Variants in GALNTL6 observed in about 807,000 individuals in gnomAD.
The protein encoded by GALNTL6 is polypeptide N-acetylgalactosaminyltransferase-like 6.
In GALNTL6, 46 loss-of-function variants were observed where a neutral mutation model predicts 73.7. That is an observed-to-expected ratio of 0.62 (90% CI 0.49 to 0.80). The LOEUF (loss-of-function observed/expected upper bound fraction) is 0.80, where lower values mean the gene tolerates loss of function less well. Among genes scored for constraint, GALNTL6 ranks in the 30% least tolerant of loss-of-function variants. GALNTL6 has a pLI of 0.00. For synonymous variants in GALNTL6, 259 were observed against 263.7 expected (o/e 0.98, Z 0.17); for missense variants, 604 against 755.0 (o/e 0.80, Z 2.34).
At chr4:171,904,569 T>C (rs983723898) in intron 2 of GALNTL6, among the ~76,000 whole-genome samples, 5 of 152,176 alleles carry the variant, frequency 3.3e-5, no homozygotes, top group Non-Finnish European at 7.3e-5. Flanking sequence ...GAAAACACTC[T>C]GCAGGATATT....
intron 5 of GALNTL6, among the ~76,000 whole-genome samples, chr4:172,543,094 G>A (rs1210735997): frequency 5.9e-5 from 1 of 17,076 alleles, no homozygotes; most frequent in Non-Finnish European, 2.9e-3. Flanking sequence ...AGACTCCATC[G>A]CAAAAGAAAA....
intron 3 of GALNTL6, among the ~76,000 whole-genome samples, chr4:172,287,121 A>C (rs373317218): frequency 1.2e-4 from 18 of 152,216 alleles, no homozygotes; most frequent in African/African-American, 4.1e-4. Context: ...CATCCATCCT[A>C]ACCCAGACCA....
intron 2 of GALNTL6, among the ~76,000 whole-genome samples, chr4:171,908,398 G>A: frequency 6.6e-6 from 1 of 152,084 alleles, no homozygotes; most frequent in Non-Finnish European, 1.5e-5. Context: ...ACGAAAAAAT[G>A]CTCACCATCA....
rs1202409794 is a variant in GALNTL6, at chr4:172,962,892, A to G, written c.1371+10634A>G. On this transcript the variant is annotated intron_variant, in intron 10 of 12. Transcript: ENST00000506823. ...GATTACTGCACTTGTCTCCTGGCTC[A>G]TCTCCCTGCTTCTGCCTGCCGCGCT... is the stretch of plus-strand genomic sequence containing the variant. Among the ~76,000 whole-genome samples the G allele has an allele frequency of 7.9e-5, 12 of 152,052 alleles. No individual in the cohort carries two copies. In the East Asian group the frequency reaches 2.3e-3, roughly 29 times the overall value.
intron 11 of GALNTL6, among the ~76,000 whole-genome samples, chr4:173,019,713 T>C (rs1752922877): frequency 6.6e-6 from 1 of 152,262 alleles, no homozygotes; most frequent in Non-Finnish European, 1.5e-5. Context: ...TTCTCTTTTA[T>C]CCTGTCTTCC....
intron 2 of GALNTL6, among the ~76,000 whole-genome samples, chr4:171,926,307 G>A (rs1282717333): frequency 6.6e-6 from 1 of 152,040 alleles, no homozygotes; most frequent in Non-Finnish European, 1.5e-5. Flanking sequence ...ATTTTTCACT[G>A]AACATATATG....
intron 5 of GALNTL6, among the ~76,000 whole-genome samples, chr4:172,623,318 A>C (rs551482530): frequency 6.6e-6 from 1 of 152,146 alleles, no homozygotes; most frequent in Non-Finnish European, 1.5e-5. Context: ...TTATAGAACT[A>C]TGTGCTCTTT....
intron 5 of GALNTL6, among the ~76,000 whole-genome samples, chr4:172,485,317 A>G (rs1014426449): frequency 1.1e-4 from 17 of 152,128 alleles, no homozygotes; most frequent in Admixed American, 3.9e-4. Flanking sequence ...AAACAGTTCA[A>G]TTTTGTGATT....
intron 5 of GALNTL6, among the ~76,000 whole-genome samples, chr4:172,531,185 A>G (rs1279854281): frequency 1.3e-5 from 2 of 152,198 alleles, no homozygotes; most frequent in Non-Finnish European, 2.9e-5. Flanking sequence ...GAAACTACTT[A>G]CTGCAGCTGT....
intron 5 of GALNTL6, among the ~76,000 whole-genome samples, chr4:172,577,990 A>G (rs1737024876): frequency 6.6e-6 from 1 of 152,172 alleles, no homozygotes; most frequent in African/African-American, 2.4e-5. Flanking sequence ...AATGATGACA[A>G]TCACCAGGCC....
intron 5 of GALNTL6, among the ~76,000 whole-genome samples, chr4:172,405,500 C>A: frequency 7.0e-6 from 1 of 142,848 alleles, no homozygotes; most frequent in Non-Finnish European, 1.5e-5. Flanking sequence ...GTCAATTAAG[C>A]TCCTGCTAGA....
At chr4:172,685,716 T>C (rs1579335704) in intron 5 of GALNTL6, among the ~76,000 whole-genome samples, 1 of 152,350 alleles carries the variant, frequency 6.6e-6, no homozygotes, top group Non-Finnish European at 1.5e-5. Flanking sequence ...TTTTTGAGTC[T>C]TCAATTGAAT....
At chr4:171,958,517 A>C (rs1739123640) in intron 2 of GALNTL6, among the ~76,000 whole-genome samples, 1 of 152,164 alleles carries the variant, frequency 6.6e-6, no homozygotes, top group African/African-American at 2.4e-5. Context: ...GAAGTTCACA[A>C]AATATTGAAA....
At chr4:172,180,788 G>C (rs991377758) in intron 2 of GALNTL6, among the ~76,000 whole-genome samples, 3 of 152,116 alleles carry the variant, frequency 2.0e-5, no homozygotes, top group East Asian at 1.9e-4. Flanking sequence ...TGAGGCCTCT[G>C]TTCTGTTCCA....
chr4:172,807,052 G>A (rs759603576), intron 5 of GALNTL6, among the ~76,000 whole-genome samples: 13 of 152,114 alleles, frequency 8.5e-5, no homozygotes, highest in Non-Finnish European at 1.9e-4. Flanking sequence ...ATTGTGCAGT[G>A]GTGTCATTTT....
At chr4:172,730,261 A>G (rs557711739) in intron 5 of GALNTL6, among the ~76,000 whole-genome samples, 16 of 152,086 alleles carry the variant, frequency 1.1e-4, no homozygotes, top group Non-Finnish European at 2.1e-4. Context: ...GACTTCCAGT[A>G]TTGTGTTGAA....
intron 5 of GALNTL6, among the ~76,000 whole-genome samples, chr4:172,457,683 A>G (rs1732448670): frequency 6.6e-6 from 1 of 152,214 alleles, no homozygotes; most frequent in Non-Finnish European, 1.5e-5. Context: ...TATGCACCCA[A>G]TACAGGAGCA....
intron 5 of GALNTL6, among the ~76,000 whole-genome samples, chr4:172,738,631 T>C (rs1203426677): frequency 6.6e-6 from 1 of 152,164 alleles, no homozygotes; most frequent in Non-Finnish European, 1.5e-5. Flanking sequence ...TGTAAAATAT[T>C]TGAAGAGATT....
intron 2 of GALNTL6, among the ~76,000 whole-genome samples, chr4:171,845,511 C>T (rs1344048019): frequency 6.6e-6 from 1 of 152,098 alleles, no homozygotes; most frequent in Non-Finnish European, 1.5e-5. Flanking sequence ...TAGTCTAACT[C>T]CCTTGGATGT....
Sources: gnomAD v4.1 joint callset for allele counts (sites outside exome capture counted in the v4.1 genomes callset) on GRCh38, gnomAD v4.1.1 for gene constraint, MANE v1.5 for transcripts, NCBI Gene and HGNC (gene_info 2026-07-23, HGNC 2026-07-21) for gene names.